Variants in APLF observed in about 807,000 individuals in gnomAD.
APLF encodes aprataxin and PNK-like factor.
APLF carries 61 observed loss-of-function variants against 55.6 expected under a neutral mutation model. The observed-to-expected ratio is 1.10, with a 90% CI of 0.89 to 1.36. The LOEUF is 1.36. Ranked by LOEUF, APLF falls within the 40% of genes most tolerant of loss-of-function variation. APLF has a pLI of 0.00. For synonymous variants in APLF, 207 were observed against 214.8 expected (o/e 0.96, Z 0.32); for missense variants, 611 against 602.5 (o/e 1.01, Z -0.15).
chr2:68,533,674 T>C (rs1392156141), intron 6 of APLF, among the ~76,000 whole-genome samples: 2 of 152,158 alleles, frequency 1.3e-5, no homozygotes, highest in East Asian at 3.8e-4. Context: ...GTTGATGGAA[T>C]GGCTGGGGGC....
In APLF at chr2:68,479,270, A is replaced by G. The variant is rs143255262; in HGVS notation, c.97-10920A>G. ...GAAGGATTACACCATTGAAGACACC[A>G]TTGTTGTTATGGAAAAAGTCATGAA... On this transcript the variant is annotated intron_variant, in intron 1 of 9. Transcript: ENST00000303795. Among the ~76,000 whole-genome samples, 393 of 152,332 alleles carry G rather than the reference A, an allele frequency of 2.6e-3. 2 individuals are homozygous for G. Among genetic ancestry groups the G allele is most frequent in the Non-Finnish European group, 4.1e-3 (278 of 68,026 alleles).
At chr2:68,525,742 C>CTTTCTTTTTTTTTT (rs1670022603) in intron 5 of APLF, among the ~76,000 whole-genome samples, 1 of 82,036 alleles carries the variant, frequency 1.2e-5, no homozygotes, top group African/African-American at 6.2e-5. Flanking sequence ...TTCTTTCTTT[C>CTTTCTTTTTTTTTT]TTTTTTTTTT....
rs201333383 is a variant in APLF at position 68,577,923 on chromosome 2, A to C, written c.1437A>C (p.Thr479=). Residue 479 remains threonine, a synonymous_variant, in exon 10 of 10, where the codon ACA becomes ACC. Coordinates refer to ENST00000303795, the MANE Select transcript of APLF (RefSeq NM_173545.3). ...ATGAGGAAGAAGACTATGAGCCAAC[A>C]GATGAAGATTCTGACTGGGAACCAG... ...LDDEEEDYEP[T]DEDSDWEPGK... is the part of the protein sequence containing the mutation. 1 of 1,613,734 alleles carries C rather than the reference A, an allele frequency of 6.2e-7. No individual in the cohort carries two copies. Among genetic ancestry groups the C allele is most frequent in the East Asian group, 2.2e-5 (1 of 44,822 alleles).
rs553745592 is a variant in APLF, at chr2:68,494,646, C to T, written c.168+4385C>T. 7.9e-5 allele frequency among the ~76,000 whole-genome samples: 12 copies of T among 152,244 alleles called. 1 individual carries two copies. In the South Asian group the frequency reaches 2.5e-3, roughly 32 times the overall value. On this transcript the variant is annotated intron_variant, in intron 2 of 9. Transcript: ENST00000303795. Reference sequence around the variant, plus strand: ...TTAGCTATTCTTCCTGATGTTCTCCCTCCTCCCACCCTCCACTCTTTAGTA... The same window carrying T: ...TTAGCTATTCTTCCTGATGTTCTCCTTCCTCCCACCCTCCACTCTTTAGTA...
At chr2:68,477,945 G>A (rs1255438070) in intron 1 of APLF, among the ~76,000 whole-genome samples, 1 of 151,590 alleles carries the variant, frequency 6.6e-6, no homozygotes, top group Non-Finnish European at 1.5e-5. Flanking sequence ...ATGTGGGATT[G>A]TTACAATACA....
At chr2:68,481,528 T>C (rs1675957496) in intron 1 of APLF, among the ~76,000 whole-genome samples, 3 of 152,184 alleles carry the variant, frequency 2.0e-5, no homozygotes, top group Non-Finnish European at 4.4e-5. Context: ...TTGTTGTTTG[T>C]AGAATTTTCT....
chr2:68,528,358 G>A (rs200112453), intron 6 of APLF: 1 of 1,531,690 alleles, frequency 6.5e-7, no homozygotes, highest in African/African-American at 1.4e-5. Flanking sequence ...CTTCTCTTTG[G>A]GAAGCCTGAC....
chr2:68,471,901 C>T (rs972843553), intron 1 of APLF, among the ~76,000 whole-genome samples: 1 of 152,016 alleles, frequency 6.6e-6, no homozygotes, highest in African/African-American at 2.4e-5. Context: ...AGCATGTTCC[C>T]AAGATGGTCA....
chr2:68,490,224 T>C lies in APLF; in HGVS notation c.131T>C (p.Ile44Thr), dbSNP rs759694826. 2 of 1,612,316 alleles carry C rather than the reference T, an allele frequency of 1.2e-6. No homozygotes were observed. Among genetic ancestry groups the C allele is most frequent in the Non-Finnish European group, 1.7e-6 (2 of 1,179,516 alleles). The change falls in exon 2 of 10, where the codon ATT becomes ACT. Residue 44 changes from isoleucine (I) to threonine (T), a missense_variant. Coordinates refer to ENST00000303795, the MANE Select transcript of APLF (RefSeq NM_173545.3). Reference sequence around the variant, plus strand: ...AAGAGAGTATCCAGAAGACATGCCATTCTTGAGGTGGCAGGTGGTCAGCTG... The same window carrying C: ...AAGAGAGTATCCAGAAGACATGCCACTCTTGAGGTGGCAGGTGGTCAGCTG... ...TDKRVSRRHA[I>T]LEVAGGQLRI...
chr2:68,483,032 C>A (rs1676014378), intron 1 of APLF, among the ~76,000 whole-genome samples: 1 of 151,774 alleles, frequency 6.6e-6, no homozygotes, highest in Non-Finnish European at 1.5e-5. Flanking sequence ...GGAGTCATTG[C>A]ATTACAGTCC....
intron 5 of APLF, among the ~76,000 whole-genome samples, chr2:68,521,359 T>C (rs186111096): frequency 3.4e-4 from 52 of 152,064 alleles, no homozygotes; most frequent in African/African-American, 1.1e-3. Context: ...TTTTCTCTTG[T>C]CTGATTACTC....
Position 68,577,931 on chromosome 2 carries a change from A to T in APLF, c.1445A>T (p.Asp482Val). 1 of 1,613,656 alleles carries T rather than the reference A, an allele frequency of 6.2e-7. No individual in the cohort carries two copies. The highest frequency in any genetic ancestry group is 8.5e-7 in the Non-Finnish European group (1 of 1,179,730). Reference protein sequence around the residue: ...EEEDYEPTDEDSDWEPGKEDE... With the variant: ...EEEDYEPTDEVSDWEPGKEDE... ...GAAGACTATGAGCCAACAGATGAAGATTCTGACTGGGAACCAGGAAAGGAA... is the reference window on the plus strand; with the variant it reads ...GAAGACTATGAGCCAACAGATGAAGTTTCTGACTGGGAACCAGGAAAGGAA... The change falls in exon 10 of 10, where the codon GAT becomes GTT. Residue 482 changes from aspartate (D) to valine (V), a missense_variant. Asp to Val is a radical substitution (Grantham distance 152, BLOSUM62 -3). Transcript: ENST00000303795.
At chr2:68,550,076 TG>T (rs1210082881) in intron 8 of APLF, among the ~76,000 whole-genome samples, 8 of 152,184 alleles carry the variant, frequency 5.3e-5, no homozygotes, top group African/African-American at 1.4e-4. Context: ...CAAGGTTATG[TG>T]GTTAGTGTTT....
chr2:68,576,882 G>T (rs1266492917), intron 9 of APLF, among the ~76,000 whole-genome samples: 1 of 152,250 alleles, frequency 6.6e-6, no homozygotes, highest in East Asian at 1.9e-4. Flanking sequence ...CTGCCATTCA[G>T]ATTTCTAGAT....
intron 5 of APLF, among the ~76,000 whole-genome samples, chr2:68,515,321 A>G (rs1669549469): frequency 6.6e-6 from 1 of 151,554 alleles, no homozygotes; most frequent in African/African-American, 2.4e-5. Context: ...AGGCAATAAC[A>G]TCTGTGTATG....
chr2:68,504,525 C>T (rs1676818578), intron 3 of APLF, among the ~76,000 whole-genome samples: 1 of 151,902 alleles, frequency 6.6e-6, no homozygotes, highest in Non-Finnish European at 1.5e-5. Flanking sequence ...AAAGAACTAT[C>T]ATTTTAATAG....
At chr2:68,511,983 AT>A (rs1482978021) in intron 3 of APLF, among the ~76,000 whole-genome samples, 1 of 151,796 alleles carries the variant, frequency 6.6e-6, no homozygotes. Context: ...CAAGCGGTTA[AT>A]TAGACTTTTC....
chr2:68,514,183 C>G (rs1669501452), intron 5 of APLF, among the ~76,000 whole-genome samples: 1 of 151,670 alleles, frequency 6.6e-6, no homozygotes, highest in Non-Finnish European at 1.5e-5. Flanking sequence ...CGATGAGATT[C>G]CCCATTTATT....
chr2:68,519,884 A>C (rs1669845306), intron 5 of APLF, among the ~76,000 whole-genome samples: 1 of 151,680 alleles, frequency 6.6e-6, no homozygotes, highest in Admixed American at 6.6e-5. Context: ...TGTTTAAGGA[A>C]TCTCCACACG....
Sources: gnomAD v4.1 joint callset for allele counts (sites outside exome capture counted in the v4.1 genomes callset) on GRCh38, gnomAD v4.1.1 for gene constraint, MANE v1.5 for transcripts, NCBI Gene and HGNC (gene_info 2026-07-23, HGNC 2026-07-21) for gene names.